SENP7: variants seen among roughly 807,000 people sequenced by gnomAD.
SENP7 encodes sentrin-specific protease 7.
In SENP7, 64 loss-of-function variants were observed where a neutral mutation model predicts 141.2. That is an observed-to-expected ratio of 0.45 (90% CI 0.37 to 0.56). SENP7 has a LOEUF of 0.56. SENP7 is among the 20% of genes least tolerant of loss of function. SENP7 has a pLI of 0.00. For missense variants in SENP7, 1,025 were observed against 1,212.2 expected (o/e 0.85, Z 2.29); for synonymous variants, 382 against 426.4 (o/e 0.90, Z 1.28).
intron 5 of SENP7, among the ~76,000 whole-genome samples, chr3:101,399,269 T>C (rs1186787028): frequency 1.3e-5 from 2 of 152,212 alleles, no homozygotes; most frequent in African/African-American, 2.4e-5. Flanking sequence ...ACTTATAACA[T>C]AGATTAGCCT....
At chr3:101,355,851 G>A (rs989752683) in intron 11 of SENP7, among the ~76,000 whole-genome samples, 8 of 152,160 alleles carry the variant, frequency 5.3e-5, no homozygotes, top group Admixed American at 4.6e-4. Flanking sequence ...AACATGGAAT[G>A]TTTTTCCATT....
intron 3 of SENP7, among the ~76,000 whole-genome samples, chr3:101,463,369 ATATATATATATATATATATATATATATAC>A (rs2063622577): frequency 1.1e-4 from 9 of 80,578 alleles, no homozygotes; most frequent in Admixed American, 2.7e-4. Flanking sequence ...AAATAAATAT[ATATATATATATATATATATATATATATAC>A]ATATATATAT....
chr3:101,350,957 A>G (rs2059597077), intron 12 of SENP7, among the ~76,000 whole-genome samples: 1 of 152,024 alleles, frequency 6.6e-6, no homozygotes, highest in African/African-American at 2.4e-5. Flanking sequence ...GTGGAATCCA[A>G]CTAAATCCAA....
intron 4 of SENP7, among the ~76,000 whole-genome samples, chr3:101,424,982 A>C (rs1576309152): frequency 6.7e-6 from 1 of 150,306 alleles, no homozygotes; most frequent in African/African-American, 2.5e-5. Context: ...ATAAAGGGAA[A>C]CCCCTTTCAC....
intron 11 of SENP7, chr3:101,357,533 CA>C: frequency 7.1e-7 from 1 of 1,418,394 alleles, no homozygotes; most frequent in Non-Finnish European, 9.5e-7. Flanking sequence ...AGATTCTTTC[CA>C]AAAAGTGATA....
At chr3:101,439,581 G>A (rs1576354785) in intron 4 of SENP7, among the ~76,000 whole-genome samples, 2 of 37,080 alleles carry the variant, frequency 5.4e-5, no homozygotes, top group African/African-American at 1.0e-4. Context: ...CAGCCGCCCC[G>A]TCCGGGAGGT....
intron 13 of SENP7, among the ~76,000 whole-genome samples, chr3:101,346,231 A>T (rs2059450101): frequency 6.6e-6 from 1 of 152,226 alleles, no homozygotes; most frequent in Non-Finnish European, 1.5e-5. Context: ...CTCCCACAAG[A>T]ATGGTCATTA....
At chr3:101,483,538 G>C (rs1335438187) in intron 3 of SENP7, among the ~76,000 whole-genome samples, 4 of 152,104 alleles carry the variant, frequency 2.6e-5, no homozygotes, top group South Asian at 4.1e-4. Flanking sequence ...CTGCGTGACG[G>C]TATAATAGTA....
intron 11 of SENP7, chr3:101,357,411 G>A: frequency 2.5e-6 from 2 of 807,810 alleles, no homozygotes; most frequent in East Asian, 2.5e-5. Flanking sequence ...CTGATGACCT[G>A]TCTGGAACAA....
chr3:101,438,938 C>G (rs1209328776), intron 4 of SENP7, among the ~76,000 whole-genome samples: 2 of 128,398 alleles, frequency 1.6e-5, no homozygotes, highest in African/African-American at 2.7e-5. Flanking sequence ...AGATTGCAGC[C>G]TCTGCCCGGT....
intron 4 of SENP7, among the ~76,000 whole-genome samples, chr3:101,422,059 A>G (rs2061806118): frequency 6.6e-6 from 1 of 152,146 alleles, no homozygotes. Context: ...ACGGTGGGTG[A>G]GCGAGCATTA....
chr3:101,350,367 C>T (rs1398130441), intron 12 of SENP7, among the ~76,000 whole-genome samples: 1 of 152,024 alleles, frequency 6.6e-6, no homozygotes, highest in East Asian at 1.9e-4. Context: ...TCCCCAGCTG[C>T]ACAGAAAAAG....
At chr3:101,372,756 T>C (rs954771109) in intron 6 of SENP7, among the ~76,000 whole-genome samples, 1 of 151,966 alleles carries the variant, frequency 6.6e-6, no homozygotes, top group African/African-American at 2.4e-5. Context: ...TCAAGCCTAT[T>C]TGGGTAGTAG....
At chr3:101,367,735 A>C in intron 8 of SENP7, 95 bp downstream of exon 8, 1 of 750,386 alleles carries the variant, frequency 1.3e-6, no homozygotes, top group Non-Finnish European at 2.1e-6. Flanking sequence ...TCATAATAAA[A>C]GCTGAAAGCT....
intron 5 of SENP7, among the ~76,000 whole-genome samples, chr3:101,405,088 T>C (rs1160043720): frequency 1.3e-5 from 2 of 152,010 alleles, no homozygotes; most frequent in Non-Finnish European, 2.9e-5. Context: ...ATGTGGAAGC[T>C]CGCATCGTGA....
rs2058940860 is a variant in SENP7 at position 101,327,726 on chromosome 3, T to C, written c.2955A>G (p.Lys985=). The C allele has an allele frequency of 2.5e-6, 4 of 1,611,866 alleles. No homozygotes were observed. The highest frequency in any genetic ancestry group is 1.7e-5 in the Admixed American group (1 of 59,798). Residue 985 remains lysine, a synonymous_variant, in exon 23 of 24, where the codon AAA becomes AAG. Transcript: ENST00000394095. The stretch of plus-strand genomic sequence containing the variant: ...CTCCACAATCACTGCTATTGTCCTG[T>C]TTAGGAACTTTAGGGCATAGATCCA... ...NMVDLCPKVP[K]QDNSSDCGVY... is the part of the protein sequence containing the mutation.
intron 10 of SENP7, chr3:101,363,025 T>C (rs2059942333): frequency 5.5e-6 from 1 of 182,178 alleles, no homozygotes; most frequent in South Asian, 1.9e-4. Context: ...GCAGTTATTA[T>C]GCATATGTAC....
At chr3:101,402,472 A>G (rs540051991) in intron 5 of SENP7, among the ~76,000 whole-genome samples, 16 of 152,020 alleles carry the variant, frequency 1.1e-4, no homozygotes, top group African/African-American at 3.4e-4. Context: ...AAAAAAAACA[A>G]TTTGCCAGGC....
At chr3:101,374,130 C>G (rs2060253712) in intron 6 of SENP7, among the ~76,000 whole-genome samples, 2 of 152,018 alleles carry the variant, frequency 1.3e-5, no homozygotes, top group South Asian at 4.1e-4. Flanking sequence ...AAATAGAAAA[C>G]AGAACCCAGG....
Sources: allele counts gnomAD v4.1 joint callset (sites outside exome capture counted in the v4.1 genomes callset), GRCh38; gene constraint gnomAD v4.1.1; transcripts MANE v1.5; gene names NCBI Gene and HGNC (gene_info 2026-07-23, HGNC 2026-07-21).